MYO1D: variants seen among roughly 807,000 people sequenced by gnomAD.
The protein encoded by MYO1D is myosin ID.
In MYO1D, 83 loss-of-function variants were observed where a neutral mutation model predicts 122.0. The ratio of observed to expected loss-of-function variants is 0.68; its 90% CI spans 0.57 to 0.82. The LOEUF is 0.82. Ranked by LOEUF, MYO1D falls within the 40% of genes least tolerant of loss-of-function variation. The pLI is 0.00. For missense variants in MYO1D, 1,157 were observed against 1,269.5 expected, an observed-to-expected ratio of 0.91 and a Z score of 1.35; for synonymous variants, 464 against 446.9, an observed-to-expected ratio of 1.04 and a Z score of -0.48.
chr17:32,710,878 T>C (rs2089367195), intron 16 of MYO1D, among the ~76,000 whole-genome samples: 1 of 152,162 alleles, frequency 6.6e-6, no homozygotes, highest in Non-Finnish European at 1.5e-5. Context: ...TGAGATATCA[T>C]TCTATCTATT....
At chr17:32,648,024 G>A (rs1475561565) in intron 19 of MYO1D, among the ~76,000 whole-genome samples, 1 of 152,148 alleles carries the variant, frequency 6.6e-6, no homozygotes, top group African/African-American at 2.4e-5. Flanking sequence ...GACCAGCCTG[G>A]CCAACATGGT....
At chr17:32,654,272 T>C (rs1391563946) in intron 18 of MYO1D, among the ~76,000 whole-genome samples, 1 of 152,250 alleles carries the variant, frequency 6.6e-6, no homozygotes, top group Non-Finnish European at 1.5e-5. Flanking sequence ...TTAATACATA[T>C]GGATACAACA....
chr17:32,834,476 C>T (rs889857377), intron 1 of MYO1D, among the ~76,000 whole-genome samples: 1 of 152,172 alleles, frequency 6.6e-6, no homozygotes, highest in Non-Finnish European at 1.5e-5. Context: ...TCTTTCTTCT[C>T]CCTCACCTTC....
At chr17:32,609,158 T>A (rs891876696) in intron 20 of MYO1D, among the ~76,000 whole-genome samples, 4 of 152,204 alleles carry the variant, frequency 2.6e-5, no homozygotes, top group Non-Finnish European at 1.5e-5. Context: ...CCTATAAATT[T>A]AAAAAATTGC....
At chr17:32,802,339 A>C (rs1187714234) in intron 1 of MYO1D, among the ~76,000 whole-genome samples, 1 of 152,242 alleles carries the variant, frequency 6.6e-6, no homozygotes, top group Non-Finnish European at 1.5e-5. Flanking sequence ...GTTTGGATGC[A>C]GAGACAAATA....
At chr17:32,663,432 AG>A (rs894722953) in intron 16 of MYO1D, among the ~76,000 whole-genome samples, 4 of 152,158 alleles carry the variant, frequency 2.6e-5, no homozygotes, top group Non-Finnish European at 4.4e-5. Flanking sequence ...GTTGCCTAAG[AG>A]GAGAGGAGAG....
intron 20 of MYO1D, among the ~76,000 whole-genome samples, chr17:32,631,937 TAA>T (rs36018655): frequency 0.42 from 64,436 of 151,902 alleles, 13,907 homozygotes; most frequent in Middle Eastern, 0.49. Context: ...TTTTTCATAA[TAA>T]AAAGTCAGAG....
chr17:32,545,784 T>C (rs981826940), intron 21 of MYO1D, among the ~76,000 whole-genome samples: 2 of 139,866 alleles, frequency 1.4e-5, no homozygotes, highest in African/African-American at 6.1e-5. Flanking sequence ...TTTTTTTTTT[T>C]GGGGTTCCAC....
intron 21 of MYO1D, among the ~76,000 whole-genome samples, chr17:32,588,559 G>A (rs1216642272): frequency 1.3e-5 from 2 of 152,096 alleles, no homozygotes; most frequent in African/African-American, 4.8e-5. Flanking sequence ...GTTTTTTCAA[G>A]ACTAGTTTTT....
intron 13 of MYO1D, among the ~76,000 whole-genome samples, chr17:32,741,603 G>A (rs1288693838): frequency 6.6e-6 from 1 of 152,038 alleles, no homozygotes; most frequent in African/African-American, 2.4e-5. Flanking sequence ...TAAGTATTCT[G>A]GATTCCATGG....
At chr17:32,660,217 C>A (rs911738483) in intron 16 of MYO1D, among the ~76,000 whole-genome samples, 6 of 152,188 alleles carry the variant, frequency 3.9e-5, no homozygotes, top group African/African-American at 1.2e-4. Flanking sequence ...TCGATGAACT[C>A]CTTGTACACA....
At chr17:32,657,458 A>T (rs2150952461) in intron 17 of MYO1D, among the ~76,000 whole-genome samples, 1 of 152,386 alleles carries the variant, frequency 6.6e-6, no homozygotes, top group South Asian at 2.1e-4. Context: ...GACAGAGACC[A>T]TCTGTAGCCT....
chr17:32,754,443 C>T (rs146746641), intron 11 of MYO1D, among the ~76,000 whole-genome samples: 6 of 152,308 alleles, frequency 3.9e-5, no homozygotes, highest in African/African-American at 1.4e-4. Context: ...GGGTTACTAT[C>T]AATCCTCAGT....
intron 1 of MYO1D, among the ~76,000 whole-genome samples, chr17:32,874,569 T>C (rs371446157): frequency 6.6e-6 from 1 of 152,332 alleles, no homozygotes; most frequent in East Asian, 1.9e-4. Flanking sequence ...CAGCACATCT[T>C]GTAGTTCTTT....
rs1196842782 is a variant in MYO1D, at chr17:32,492,801, A to G, written c.*1958T>C. 2 of 152,532 alleles carry G rather than the reference A, an allele frequency of 1.3e-5. No individual in the cohort carries two copies. Among genetic ancestry groups the G allele is most frequent in the Non-Finnish European group, 2.9e-5 (2 of 68,022 alleles). 9.4% of individuals were successfully genotyped at this position (152,532 alleles called of 1,614,324 possible). ...GCGCCCGGGACACGTGACCGAGATC[A>G]TACCCTAAATTCCTGATCCTTTTGC... On this transcript the variant is annotated 3_prime_UTR_variant, in exon 22 of 22. Coordinates refer to ENST00000318217, the MANE Select transcript of MYO1D (RefSeq NM_015194.3).
At chr17:32,746,595 TA>T (rs2089840745) in intron 12 of MYO1D, among the ~76,000 whole-genome samples, 1 of 152,170 alleles carries the variant, frequency 6.6e-6, no homozygotes, top group African/African-American at 2.4e-5. Flanking sequence ...TGTGTAAAAA[TA>T]AGAACACATA....
At chr17:32,742,106 T>C (rs1314399967) in intron 13 of MYO1D, among the ~76,000 whole-genome samples, 1 of 152,146 alleles carries the variant, frequency 6.6e-6, no homozygotes, top group Non-Finnish European at 1.5e-5. Context: ...TGAGGGGTCA[T>C]TATTCTCTAA....
chr17:32,667,187 T>C (rs1385918935), intron 16 of MYO1D, among the ~76,000 whole-genome samples: 2 of 152,242 alleles, frequency 1.3e-5, no homozygotes, highest in African/African-American at 4.8e-5. Context: ...ATTTAGAATA[T>C]GACAGTCACA....
intron 16 of MYO1D, among the ~76,000 whole-genome samples, chr17:32,669,268 A>G (rs2088677734): frequency 6.6e-6 from 1 of 152,212 alleles, no homozygotes; most frequent in South Asian, 2.1e-4. Context: ...TACTAGGAAG[A>G]TAAGAACACT....
Sources: gnomAD v4.1 joint callset for allele counts (sites outside exome capture counted in the v4.1 genomes callset) on GRCh38, gnomAD v4.1.1 for gene constraint, MANE v1.5 for transcripts, NCBI Gene and HGNC (gene_info 2026-07-23, HGNC 2026-07-21) for gene names.